The following KAT2B variants were observed in gnomAD, a reference collection of about 807,000 sequenced individuals.
KAT2B encodes lysine acetyltransferase 2B, also known as histone acetyltransferase KAT2B.
Under a neutral mutation model 105.9 loss-of-function variants are expected in KAT2B, and 36 were observed. The observed-to-expected ratio is 0.34, with a 90% confidence interval of 0.26 to 0.45. The LOEUF (loss-of-function observed/expected upper bound fraction) is 0.45. Ranked by LOEUF, KAT2B falls within the 20% of genes least tolerant of loss-of-function variation. The pLI, the probability that KAT2B is intolerant of heterozygous loss-of-function variation, is 1.00. For missense variants in KAT2B, 820 were observed against 1,021.6 expected, an observed-to-expected ratio of 0.80 and a Z score of 2.69; for synonymous variants, 397 against 377.9, an observed-to-expected ratio of 1.05 and a Z score of -0.59.
At chr3:20,057,782 C>G (rs1426583108) in intron 1 of KAT2B, among the ~76,000 whole-genome samples, 1 of 152,072 alleles carries the variant, frequency 6.6e-6, no homozygotes, top group East Asian at 1.9e-4. Flanking sequence ...TCTGGCCAAC[C>G]CCTAGGCTAT....
rs558697060 is a variant in KAT2B, at chr3:20,061,237, C to A, written c.304-11096C>A. 5.3e-5 allele frequency among the ~76,000 whole-genome samples: 8 copies of A among 152,250 alleles called. No homozygotes were observed. The East Asian group carries it at 1.5e-3, about 29-fold the overall frequency. On this transcript the variant is annotated intron_variant, in intron 1 of 17. Transcript: ENST00000263754. Reference sequence around the variant, plus strand: ...CTAAGTGGAATCATACAGTATTTGTCATTTTGTGACTATTTTACTTAGCAT... The same window carrying A: ...CTAAGTGGAATCATACAGTATTTGTAATTTTGTGACTATTTTACTTAGCAT...
chr3:20,115,704 C>G (rs1241995108), intron 7 of KAT2B, among the ~76,000 whole-genome samples: 1 of 152,108 alleles, frequency 6.6e-6, no homozygotes, highest in African/African-American at 2.4e-5. Context: ...TGAGTAATGA[C>G]CACTGCCATC....
chr3:20,081,878 C>CATGTATATATATATATATAT (rs1553585337), intron 2 of KAT2B, among the ~76,000 whole-genome samples: 3 of 140,504 alleles, frequency 2.1e-5, no homozygotes, highest in Non-Finnish European at 4.5e-5. Context: ...GTCATTGGCT[C>CATGTATATATATATATATAT]ATATATATAT....
chr3:20,144,602 CT>C (rs200001128), intron 13 of KAT2B, among the ~76,000 whole-genome samples: 89 of 142,892 alleles, frequency 6.2e-4, no homozygotes, highest in Non-Finnish European at 6.9e-4. Flanking sequence ...TTTCTTTTTT[CT>C]TTTTTTTTTT....
intron 11 of KAT2B, among the ~76,000 whole-genome samples, chr3:20,132,518 G>GGT (rs1699528754): frequency 6.6e-6 from 1 of 152,150 alleles, no homozygotes; most frequent in Non-Finnish European, 1.5e-5. Context: ...TAAAAATAAA[G>GGT]GTGTACAAAC....
chr3:20,100,234 A>G (rs144466502), intron 4 of KAT2B, among the ~76,000 whole-genome samples: 3 of 152,348 alleles, frequency 2.0e-5, no homozygotes, highest in Non-Finnish European at 2.9e-5. Flanking sequence ...AGAAGAACAC[A>G]TGAAATGTGC....
At chr3:20,118,278 A>G (rs914423235) in intron 7 of KAT2B, among the ~76,000 whole-genome samples, 1 of 146,440 alleles carries the variant, frequency 6.8e-6, no homozygotes, top group South Asian at 2.1e-4. Flanking sequence ...TATTATTTAT[A>G]TATAAATAAA....
intron 9 of KAT2B, among the ~76,000 whole-genome samples, chr3:20,125,318 A>AG (rs1453042696): frequency 6.6e-6 from 1 of 151,596 alleles, no homozygotes; most frequent in African/African-American, 2.4e-5. Context: ...AAAAAAAAAA[A>AG]AAAAAAAGAA....
At chr3:20,134,561 A>G (rs1699568581) in intron 11 of KAT2B, among the ~76,000 whole-genome samples, 1 of 152,162 alleles carries the variant, frequency 6.6e-6, no homozygotes, top group South Asian at 2.1e-4. Flanking sequence ...GGCACGTGCC[A>G]CCACGCCCAG....
At chr3:20,142,182 C>T (rs1164599976) in intron 13 of KAT2B, among the ~76,000 whole-genome samples, 6 of 152,150 alleles carry the variant, frequency 3.9e-5, no homozygotes, top group Non-Finnish European at 7.3e-5. Flanking sequence ...ACGCCAGAAG[C>T]GCAGAGCTAT....
intron 2 of KAT2B, among the ~76,000 whole-genome samples, chr3:20,075,495 C>T (rs1430427461): frequency 6.6e-6 from 1 of 152,030 alleles, no homozygotes; most frequent in Non-Finnish European, 1.5e-5. Context: ...CAATAGTGCT[C>T]CCACTTCAGA....
chr3:20,040,841 C>T (rs1697702937), intron 1 of KAT2B, 61 bp downstream of exon 1: 15 of 1,479,130 alleles, frequency 1.0e-5, no homozygotes, highest in South Asian at 1.3e-5. Flanking sequence ...GCGGGACCCC[C>T]CTCCCCCTCC....
At chr3:20,132,429 A>T (rs1699527549) in intron 11 of KAT2B, among the ~76,000 whole-genome samples, 1 of 152,220 alleles carries the variant, frequency 6.6e-6, no homozygotes, top group African/African-American at 2.4e-5. Context: ...TATGTAGCTA[A>T]TGTTTATTTA....
chr3:20,115,983 C>A (rs1559320062), intron 7 of KAT2B, among the ~76,000 whole-genome samples: 1 of 152,142 alleles, frequency 6.6e-6, no homozygotes, highest in Non-Finnish European at 1.5e-5. Context: ...AACTAAATCC[C>A]TACAAACCAA....
rs111925424 is a variant in KAT2B at position 20,124,988 on chromosome 3, T to C, written c.1414-917T>C. Among the ~76,000 whole-genome samples, 44 of 152,246 alleles carry C rather than the reference T, an allele frequency of 2.9e-4. 1 individual carries two copies. The highest frequency in any genetic ancestry group is 9.9e-4 in the African/African-American group (41 of 41,530). On this transcript the variant is annotated intron_variant, in intron 9 of 17. Transcript: ENST00000263754. Reference sequence around the variant, plus strand: ...ATGGTTGAGTGTAGGTCAACAGATATTCTCTGGAAAGAAAACTGTTCTTTA... The same window carrying C: ...ATGGTTGAGTGTAGGTCAACAGATACTCTCTGGAAAGAAAACTGTTCTTTA...
chr3:20,069,139 C>T (rs1408001945), intron 1 of KAT2B, among the ~76,000 whole-genome samples: 1 of 152,140 alleles, frequency 6.6e-6, no homozygotes, highest in African/African-American at 2.4e-5. Flanking sequence ...TTGACATATT[C>T]ATTGCGTATG....
chr3:20,149,495 CAAAAAAAAA>C (rs56091316), intron 17 of KAT2B, among the ~76,000 whole-genome samples: 15 of 42,440 alleles, frequency 3.5e-4, no homozygotes, highest in East Asian at 2.0e-3. Flanking sequence ...GACCGTATCT[CAAAAAAAAA>C]AAAAAAAAAA....
chr3:20,072,888 A>G (rs1216271565), intron 2 of KAT2B, among the ~76,000 whole-genome samples: 1 of 151,922 alleles, frequency 6.6e-6, no homozygotes, highest in African/African-American at 2.4e-5. Flanking sequence ...GGGGTGCTTC[A>G]TTTTATCTTC....
intron 12 of KAT2B, among the ~76,000 whole-genome samples, chr3:20,139,221 CT>C (rs781490524): frequency 6.6e-6 from 1 of 151,672 alleles, no homozygotes; most frequent in Admixed American, 6.6e-5. Flanking sequence ...AGCCAGACTT[CT>C]TTTTTTTTAA....
Sources: allele counts gnomAD v4.1 joint callset (sites outside exome capture counted in the v4.1 genomes callset), GRCh38; gene constraint gnomAD v4.1.1; transcripts MANE v1.5; gene names NCBI Gene and HGNC (gene_info 2026-07-23, HGNC 2026-07-21).